RGPD8: variants seen among roughly 807,000 people sequenced by gnomAD.
RGPD8 encodes RANBP2 like and GRIP domain containing 8, also known as RANBP2-like and GRIP domain-containing protein 8.
RGPD8 carries 15 observed loss-of-function variants against 89.1 expected under a neutral mutation model. The ratio of observed to expected loss-of-function variants is 0.17; its 90% CI spans 0.11 to 0.26. RGPD8 has a LOEUF of 0.26. Ranked by LOEUF, RGPD8 falls within the 10% of genes least tolerant of loss-of-function variation. RGPD8 has a pLI of 1.00. For missense variants in RGPD8, 178 were observed against 1,179.6 expected (o/e 0.15, Z 12.44); for synonymous variants, 62 against 420.9 (o/e 0.15, Z 10.44).
intron 1 of RGPD8, chr2:112,432,611 C>T (rs1680090053): frequency 1.0e-6 from 1 of 985,336 alleles, no homozygotes; most frequent in Non-Finnish European, 1.2e-6. Flanking sequence ...GGAGGTACGA[C>T]CTCCGCCGCG....
chr2:112,423,586 C>T (rs1307819958), intron 2 of RGPD8, among the ~76,000 whole-genome samples: 1 of 134,248 alleles, frequency 7.4e-6, no homozygotes, highest in Admixed American at 7.6e-5. Context: ...CATCTGTATC[C>T]CCAGCTACTT....
intron 21 of RGPD8, among the ~76,000 whole-genome samples, 174 bp downstream of exon 21, chr2:112,380,650 C>CA (rs369818204): frequency 0.032 from 3,532 of 109,360 alleles, 47 homozygotes; most frequent in African/African-American, 0.067. Flanking sequence ...AAGACTGTCT[C>CA]AAAAAAAAAA....
At chr2:112,411,304 A>C (rs1679188098) in intron 7 of RGPD8, among the ~76,000 whole-genome samples, 1 of 145,030 alleles carries the variant, frequency 6.9e-6, no homozygotes, top group African/African-American at 2.6e-5. Flanking sequence ...ATGGTGGCTC[A>C]TGTCTGTAAA....
At chr2:112,415,813 G>T (rs1464918193) in intron 6 of RGPD8, among the ~76,000 whole-genome samples, 1 of 147,076 alleles carries the variant, frequency 6.8e-6, no homozygotes, top group African/African-American at 2.5e-5. Flanking sequence ...AACCCAGGAG[G>T]CAGAGGTTGC....
At chr2:112,379,446 T>C (rs1333484329) in intron 21 of RGPD8, among the ~76,000 whole-genome samples, 164 of 149,158 alleles carry the variant, frequency 1.1e-3, no homozygotes, top group Non-Finnish European at 2.1e-3. Flanking sequence ...ATAAAAAAAA[T>C]TAGCCGGGCA....
At chr2:112,411,502 T>C (rs1451489869) in intron 7 of RGPD8, among the ~76,000 whole-genome samples, 3 of 41,898 alleles carry the variant, frequency 7.2e-5, no homozygotes, top group African/African-American at 3.3e-4. Flanking sequence ...ACTCGGGAGG[T>C]GGAGCTTGCA....
intron 4 of RGPD8, among the ~76,000 whole-genome samples, chr2:112,419,420 CTA>C (rs1679487459): frequency 1.6e-5 from 2 of 128,986 alleles, no homozygotes; most frequent in Admixed American, 1.6e-4. Flanking sequence ...TTAAAAACCA[CTA>C]TGAGTGCTTT....
chr2:112,433,331 C>A, intron 1 of RGPD8, 51 bp downstream of exon 1: 1 of 1,376,246 alleles, frequency 7.3e-7, no homozygotes, highest in African/African-American at 1.6e-5. Context: ...GGGTCGAGGC[C>A]GCCGCCGCCC....
chr2:112,374,758 T>G (rs1197995002), intron 22 of RGPD8, among the ~76,000 whole-genome samples: 1 of 139,986 alleles, frequency 7.1e-6, no homozygotes, highest in Non-Finnish European at 1.6e-5. Context: ...AGAACTTCGA[T>G]TAGTAAAAAC....
In RGPD8 at chr2:112,431,762, A is replaced by G. The variant is rs1340023814; in HGVS notation, c.72+1620T>C. Among the ~76,000 whole-genome samples the G allele has an allele frequency of 6.0e-5, 9 of 150,662 alleles. No individual in the cohort carries two copies. In the South Asian group the frequency reaches 6.3e-4, roughly 11 times the overall value. On this transcript the variant is annotated intron_variant, in intron 1 of 22. Transcript: ENST00000302558. Reference sequence around the variant, plus strand: ...AGCGACTCTCCTGCCTCAGCCTCCCAGGTAGCTGGGACTACAGGCGTGCGC... The same window carrying G: ...AGCGACTCTCCTGCCTCAGCCTCCCGGGTAGCTGGGACTACAGGCGTGCGC...
intron 20 of RGPD8, chr2:112,387,241 G>T (rs1221677264): frequency 2.1e-5 from 1 of 48,046 alleles, no homozygotes; most frequent in Non-Finnish European, 4.0e-5. Flanking sequence ...CAATCTGACT[G>T]TCTTACATAT....
intron 2 of RGPD8, among the ~76,000 whole-genome samples, chr2:112,423,977 A>G (rs1679651797): frequency 6.6e-6 from 1 of 152,214 alleles, no homozygotes; most frequent in African/African-American, 2.4e-5. Flanking sequence ...ACTCCAACAG[A>G]AGACAATTTT....
chr2:112,430,077 GC>G (rs1679961309), intron 1 of RGPD8, among the ~76,000 whole-genome samples: 1 of 152,126 alleles, frequency 6.6e-6, no homozygotes, highest in Non-Finnish European at 1.5e-5. Flanking sequence ...TTTAAGAAGG[GC>G]AAAAGCACAT....
At chr2:112,415,668 G>A (rs1382899924) in intron 6 of RGPD8, among the ~76,000 whole-genome samples, 1 of 150,026 alleles carries the variant, frequency 6.7e-6, no homozygotes, top group South Asian at 2.1e-4. Context: ...AGCCGAGATT[G>A]TGCCACTGTA....
chr2:112,374,858 CTTTTTTTTTTTTTTTTTT>C (rs780008775), intron 22 of RGPD8, among the ~76,000 whole-genome samples: 1 of 103,454 alleles, frequency 9.7e-6, no homozygotes, highest in African/African-American at 4.0e-5. Flanking sequence ...AGTTTACATT[CTTTTTTTTTTTTTTTTTT>C]TTGAGATAGG....
In RGPD8 at chr2:112,424,120, C is replaced by T. The variant is rs1679658520; in HGVS notation, c.140+120G>A. 9 of 1,254,760 alleles carry T rather than the reference C, an allele frequency of 7.2e-6. No individual in the cohort carries two copies. In the East Asian group the frequency reaches 2.3e-4, roughly 32 times the overall value. 77.7% of individuals were successfully genotyped at this position (1,254,760 alleles called of 1,614,324 possible). A position where few individuals can be genotyped will look rare whatever the true frequency, so the allele number is the denominator to read the frequency against. ...TAGCATCAGTCTGAGTGATAAATCC[C>T]TTATTCCAGAATACACTTAGGAAGA... On this transcript the variant is annotated intron_variant, in intron 2 of 22. Coordinates refer to ENST00000302558, the MANE Select transcript of RGPD8 (RefSeq NM_001164463.1).
At chr2:112,371,209 T>G (rs1256703039) in intron 22 of RGPD8, among the ~76,000 whole-genome samples, 1 of 112,288 alleles carries the variant, frequency 8.9e-6, no homozygotes, top group Non-Finnish European at 1.8e-5. Flanking sequence ...TTACTTATAG[T>G]AAAACCTGCC....
chr2:112,432,257 G>C (rs1680072625), intron 1 of RGPD8, among the ~76,000 whole-genome samples: 2 of 151,850 alleles, frequency 1.3e-5, no homozygotes, highest in South Asian at 4.1e-4. Flanking sequence ...CCTGTAAAGA[G>C]GAAAAATACC....
intron 4 of RGPD8, among the ~76,000 whole-genome samples, chr2:112,419,711 C>T (rs1212640039): frequency 6.9e-6 from 1 of 145,548 alleles, no homozygotes. Flanking sequence ...GAATCTCCTG[C>T]CATTACATAT....
Sources: gnomAD v4.1 joint callset for allele counts (sites outside exome capture counted in the v4.1 genomes callset) on GRCh38, gnomAD v4.1.1 for gene constraint, MANE v1.5 for transcripts, NCBI Gene and HGNC (gene_info 2026-07-23, HGNC 2026-07-21) for gene names.